The following GAREM1 variants were observed in gnomAD, a reference collection of about 807,000 sequenced individuals.
GAREM1 encodes the protein GRB2 associated regulator of MAPK1 subtype 1.
In GAREM1, 26 loss-of-function variants were observed where a neutral mutation model predicts 71.3. That is an observed-to-expected ratio of 0.36 (90% confidence interval 0.27 to 0.51). GAREM1 has a LOEUF of 0.51. Ranked by LOEUF, GAREM1 falls within the 20% of genes least tolerant of loss-of-function variation. The pLI, the probability that GAREM1 is intolerant of heterozygous loss-of-function variation, is 0.95. For synonymous variants in GAREM1, 440 were observed against 433.2 expected (o/e 1.02, Z -0.20); for missense variants, 1,026 against 1,103.1 (o/e 0.93, Z 0.99).
chr18:32,454,051 G>A (rs2048866150), intron 1 of GAREM1, among the ~76,000 whole-genome samples: 1 of 151,920 alleles, frequency 6.6e-6, no homozygotes, highest in Admixed American at 6.6e-5. Flanking sequence ...TTACACTATG[G>A]TTGTATATAA....
chr18:32,318,146 C>T (rs1192564737), intron 2 of GAREM1, among the ~76,000 whole-genome samples: 1 of 152,148 alleles, frequency 6.6e-6, no homozygotes. Context: ...ACAAATTCAA[C>T]ACCAATGACA....
chr18:32,317,838 A>C (rs1274646486), intron 2 of GAREM1, among the ~76,000 whole-genome samples: 1 of 152,152 alleles, frequency 6.6e-6, no homozygotes, highest in Non-Finnish European at 1.5e-5. Flanking sequence ...CTTGGAGACA[A>C]TCTAAAGAGT....
At chr18:32,381,419 G>A (rs1163567016) in intron 2 of GAREM1, among the ~76,000 whole-genome samples, 1 of 152,130 alleles carries the variant, frequency 6.6e-6, no homozygotes, top group Non-Finnish European at 1.5e-5. Context: ...GTGCTAAGAA[G>A]GTTAATTTTA....
At chr18:32,394,203 A>G (rs1303847015) in intron 1 of GAREM1, among the ~76,000 whole-genome samples, 1 of 152,220 alleles carries the variant, frequency 6.6e-6, no homozygotes, top group East Asian at 1.9e-4. Flanking sequence ...AGTTTGAGAC[A>G]TGCCTGGGCA....
intron 2 of GAREM1, among the ~76,000 whole-genome samples, chr18:32,349,000 C>T (rs1567974304): frequency 6.6e-6 from 1 of 152,092 alleles, no homozygotes; most frequent in Admixed American, 6.5e-5. Context: ...ATTTTCTGAA[C>T]ATGTAGTTAA....
In GAREM1 at chr18:32,457,226, A is replaced by AGTGTGTGT. The variant is rs566379367; in HGVS notation, c.121+13074_121+13081dup. 3.6e-3 allele frequency among the ~76,000 whole-genome samples: 297 copies of AGTGTGTGT among 81,968 alleles called. 6 individuals are homozygous for AGTGTGTGT. The highest frequency in any genetic ancestry group is 0.011 in the Middle Eastern group (1 of 88). The allele number at this position is 81,968 out of a possible 152,430, so 53.8% of individuals were successfully genotyped here. On this transcript the variant is annotated intron_variant, in intron 1 of 5. Transcript: ENST00000269209. ...GGGGGGGAGAGAGAGAGAGAGAGAG[A>AGTGTGTGT]GTGTGTGTGTGTGTGTGTGTGTGTG...
intron 4 of GAREM1, among the ~76,000 whole-genome samples, chr18:32,286,024 G>C (rs2047013758): frequency 6.6e-6 from 1 of 152,022 alleles, no homozygotes. Flanking sequence ...CTTTTAAAAA[G>C]GATTCTTCTA....
chr18:32,282,523 G>A (rs953843917), intron 4 of GAREM1, among the ~76,000 whole-genome samples: 1 of 152,128 alleles, frequency 6.6e-6, no homozygotes, highest in Non-Finnish European at 1.5e-5. Flanking sequence ...CTGTGAACCT[G>A]CAGGGTTTTT....
chr18:32,447,463 T>C (rs1478923085), intron 1 of GAREM1, among the ~76,000 whole-genome samples: 1 of 152,166 alleles, frequency 6.6e-6, no homozygotes, highest in African/African-American at 2.4e-5. Context: ...CCTCATATTA[T>C]AAATAAATTC....
In GAREM1 at chr18:32,305,365, G is replaced by A. The variant is rs967800729; in HGVS notation, c.393+4828C>T. Among the ~76,000 whole-genome samples, 4 of 152,002 alleles carry A rather than the reference G, an allele frequency of 2.6e-5. No individual in the cohort carries two copies. In the South Asian group the frequency reaches 8.3e-4, roughly 32 times the overall value. On this transcript the variant is annotated intron_variant, in intron 3 of 5. Coordinates refer to ENST00000269209, the MANE Select transcript of GAREM1 (RefSeq NM_001242409.2). ...AAATAAAGCTACTCCTGTCATTACC[G>A]ATCTTACTGCCTAAAGTTAAATTTC...
At chr18:32,332,554 G>A (rs1346130259) in intron 2 of GAREM1, among the ~76,000 whole-genome samples, 5 of 152,202 alleles carry the variant, frequency 3.3e-5, no homozygotes, top group East Asian at 1.9e-4. Flanking sequence ...TAAGTGCAGC[G>A]TGGCAGCTGG....
intron 1 of GAREM1, among the ~76,000 whole-genome samples, chr18:32,428,243 G>C (rs2048592698): frequency 6.6e-6 from 1 of 152,196 alleles, no homozygotes; most frequent in Non-Finnish European, 1.5e-5. Context: ...TTATAAGCTA[G>C]AAACTTAAAC....
At chr18:32,412,967 T>C in intron 1 of GAREM1, 7 of 1,395,310 alleles carry the variant, frequency 5.0e-6, no homozygotes, top group Non-Finnish European at 6.0e-6. Context: ...CATTCATAGC[T>C]GCATCCACCT....
intron 1 of GAREM1, among the ~76,000 whole-genome samples, chr18:32,416,806 G>A (rs2048470460): frequency 6.6e-6 from 1 of 152,078 alleles, no homozygotes; most frequent in East Asian, 1.9e-4. Context: ...CCAGGACACT[G>A]GACTGTAGAT....
At chr18:32,424,628 T>A (rs1202433561) in intron 1 of GAREM1, among the ~76,000 whole-genome samples, 1 of 152,170 alleles carries the variant, frequency 6.6e-6, no homozygotes, top group Non-Finnish European at 1.5e-5. Context: ...TATATCAAGA[T>A]ACTGTATATA....
At chr18:32,455,071 G>A (rs918357987) in intron 1 of GAREM1, among the ~76,000 whole-genome samples, 5 of 152,194 alleles carry the variant, frequency 3.3e-5, no homozygotes, top group African/African-American at 7.2e-5. Context: ...ATCCAGGATC[G>A]AGGTTTTGTT....
intron 4 of GAREM1, among the ~76,000 whole-genome samples, chr18:32,275,365 T>G (rs1013937836): frequency 6.6e-6 from 1 of 152,222 alleles, no homozygotes; most frequent in African/African-American, 2.4e-5. Flanking sequence ...GGGGCCCCTG[T>G]ATTATCAGGA....
chr18:32,462,013 C>T (rs932145723), intron 1 of GAREM1, among the ~76,000 whole-genome samples: 1 of 152,224 alleles, frequency 6.6e-6, no homozygotes, highest in Non-Finnish European at 1.5e-5. Context: ...AACTATAATG[C>T]AGTTGATCAC....
In GAREM1 at chr18:32,379,228, T is replaced by C. The variant is rs537199014; in HGVS notation, c.262+13667A>G. 1.4e-4 allele frequency among the ~76,000 whole-genome samples: 21 copies of C among 152,232 alleles called. 1 individual carries two copies. In the South Asian group the frequency reaches 2.7e-3, roughly 20 times the overall value. The stretch of plus-strand genomic sequence containing the variant: ...AGTACTTACTATTATGTGTCTTAAC[T>C]GCCACACTGCCTCGTCACCAGTTGT... On this transcript the variant is annotated intron_variant, in intron 2 of 5. Coordinates refer to ENST00000269209, the MANE Select transcript of GAREM1 (RefSeq NM_001242409.2).
Sources: allele counts gnomAD v4.1 joint callset (sites outside exome capture counted in the v4.1 genomes callset), GRCh38; gene constraint gnomAD v4.1.1; transcripts MANE v1.5; gene names NCBI Gene and HGNC (gene_info 2026-07-23, HGNC 2026-07-21).